The following DYNC2H1 variants were observed in gnomAD, a reference collection of about 807,000 sequenced individuals.
The protein encoded by DYNC2H1 is dynein cytoplasmic 2 heavy chain 1, also known as cytoplasmic dynein 2 heavy chain 1.
Under a neutral mutation model 570.0 loss-of-function variants are expected in DYNC2H1, and 410 were observed. That is an observed-to-expected ratio of 0.72 (90% CI 0.66 to 0.78). The LOEUF (loss-of-function observed/expected upper bound fraction) is 0.78. Among genes scored for constraint, DYNC2H1 ranks in the 30% least tolerant of loss-of-function variants. DYNC2H1 has a pLI of 0.00. For synonymous variants in DYNC2H1, 1,688 were observed against 1,677.6 expected, an observed-to-expected ratio of 1.01 and a Z score of -0.15; for missense variants, 4,865 against 5,046.4, an observed-to-expected ratio of 0.96 and a Z score of 1.09.
intron 85 of DYNC2H1, among the ~76,000 whole-genome samples, chr11:103,440,188 C>A (rs991011347): frequency 6.6e-6 from 1 of 152,090 alleles, no homozygotes; most frequent in African/African-American, 2.4e-5. Flanking sequence ...AGAGAGAGAT[C>A]TTTATCACCA....
At chr11:103,247,494 A>G (rs565072892) in intron 65 of DYNC2H1, among the ~76,000 whole-genome samples, 2 of 152,156 alleles carry the variant, frequency 1.3e-5, no homozygotes, top group South Asian at 4.1e-4. Context: ...CTGTTCTTCT[A>G]TTAGGAGCAG....
At position 103,209,446 on chromosome 11, in the gene DYNC2H1, T is replaced by C. The variant is rs1863063647; in HGVS notation, c.8455-430T>C. On this transcript the variant is annotated intron_variant, in intron 52 of 88. Coordinates refer to ENST00000375735, the MANE Select transcript of DYNC2H1 (RefSeq NM_001377.3). This position sits in a 1 kb window ranked among gnomAD's most constrained non-coding sequence, Gnocchi z 4.2. ...TGATCAGTTATGAAATTATTGATTA[T>C]AAAATTATTTTTATTTAATTTTAGT... Among the ~76,000 whole-genome samples the C allele has an allele frequency of 2.0e-5, 3 of 152,036 alleles. No homozygotes were observed. The South Asian group carries it at 6.2e-4, about 31-fold the overall frequency.
At chr11:103,139,838 G>C (rs528068342) in intron 17 of DYNC2H1, among the ~76,000 whole-genome samples, 2 of 152,210 alleles carry the variant, frequency 1.3e-5, no homozygotes, top group East Asian at 3.9e-4. Flanking sequence ...CATTATTATT[G>C]TGTGGGAGTC....
chr11:103,291,392 C>T (rs1449850860), intron 75 of DYNC2H1, among the ~76,000 whole-genome samples: 3 of 152,012 alleles, frequency 2.0e-5, no homozygotes, highest in African/African-American at 4.8e-5. Context: ...GAGCTGAGAT[C>T]GTGTCACTGC....
At chr11:103,217,469 G>A (rs1385772353) in intron 55 of DYNC2H1, among the ~76,000 whole-genome samples, 1 of 152,110 alleles carries the variant, frequency 6.6e-6, no homozygotes, top group Non-Finnish European at 1.5e-5. Flanking sequence ...ACACAAAAAT[G>A]CCAAATAAAT....
intron 70 of DYNC2H1, among the ~76,000 whole-genome samples, chr11:103,272,941 A>C (rs1249001205): frequency 6.6e-6 from 1 of 152,092 alleles, no homozygotes; most frequent in East Asian, 1.9e-4. Flanking sequence ...ATTTTTAAAC[A>C]AAACTCAAGT....
rs1033043733 is a variant in DYNC2H1, at chr11:103,277,492, A to G, written c.10696-2856A>G. Among the ~76,000 whole-genome samples the G allele has an allele frequency of 6.6e-6, 1 of 152,106 alleles. No individual in the cohort carries two copies. The highest frequency in any genetic ancestry group is 1.5e-5 in the Non-Finnish European group (1 of 68,000). ...CTTACATTCTTGAGTATTTAATGATACTTGTATTAGAGTCTCTTTCAGATT... is the reference window on the plus strand; with the variant it reads ...CTTACATTCTTGAGTATTTAATGATGCTTGTATTAGAGTCTCTTTCAGATT... On this transcript the variant is annotated intron_variant, in intron 70 of 88. Coordinates refer to ENST00000375735, the MANE Select transcript of DYNC2H1 (RefSeq NM_001377.3). The surrounding 1 kb of genome is among the most constrained non-coding windows in gnomAD (Gnocchi z 4.3).
At chr11:103,473,503 TA>T (rs1162590797) in intron 88 of DYNC2H1, among the ~76,000 whole-genome samples, 1 of 152,186 alleles carries the variant, frequency 6.6e-6, no homozygotes, top group African/African-American at 2.4e-5. Context: ...CTATATATCA[TA>T]ATAATTCTCT....
At chr11:103,474,671 T>A (rs921921116) in intron 88 of DYNC2H1, among the ~76,000 whole-genome samples, 2 of 152,214 alleles carry the variant, frequency 1.3e-5, no homozygotes, top group African/African-American at 4.8e-5. Flanking sequence ...CATAACTTTA[T>A]TATTGTGGTA....
At position 103,257,666 on chromosome 11, in the gene DYNC2H1, C is replaced by A; in HGVS notation, c.10520C>A (p.Ser3507Tyr). The change falls in exon 69 of 89, where the codon TCT (serine) becomes TAT (tyrosine). Residue 3507 changes from serine (S) to tyrosine (Y), a missense_variant. This residue lies in a region of DYNC2H1 where 2,401 missense variants were observed against 2,454.6 expected (regional missense o/e 0.98). Coordinates refer to ENST00000375735, the MANE Select transcript of DYNC2H1 (RefSeq NM_001377.3). ...ESASKMYFII[S>Y]DLSKINNMYR... ...GCCAGCAAGATGTACTTCATTATTT[C>A]TGATTTGTCCAAAATTAATAACATG... The A allele has an allele frequency of 6.2e-7, 1 of 1,613,228 alleles. No individual in the cohort carries two copies. Among genetic ancestry groups the A allele is most frequent in the Non-Finnish European group, 8.5e-7 (1 of 1,179,486 alleles).
rs1864499713 is a variant in DYNC2H1, at chr11:103,243,584, A to G, written c.9820-109A>G. ...GTATATTTGTGTTCTCCAAAGCTTG[A>G]GAGAAAAGATCATTTAGTAATTGAT... On this transcript the variant is annotated intron_variant, in intron 63 of 88. Transcript: ENST00000375735. This position sits in a 1 kb window ranked among gnomAD's most constrained non-coding sequence, Gnocchi z 4.8. 1 of 886,830 alleles carries G rather than the reference A, an allele frequency of 1.1e-6. No individual in the cohort carries two copies. Among genetic ancestry groups the G allele is most frequent in the Admixed American group, 2.7e-5 (1 of 36,438 alleles). The allele number at this position is 886,830 out of a possible 1,614,324, so 54.9% of individuals were successfully genotyped here.
At chr11:103,348,407 A>AC (rs1183313628) in intron 82 of DYNC2H1, among the ~76,000 whole-genome samples, 1 of 152,152 alleles carries the variant, frequency 6.6e-6, no homozygotes, top group Non-Finnish European at 1.5e-5. Flanking sequence ...AAGATAGTGA[A>AC]CATCCCCATT....
Position 103,245,347 on chromosome 11 carries a change from T to G in DYNC2H1, c.10015T>G (p.Leu3339Val). The change falls in exon 65 of 89, where the codon TTA becomes GTA. Residue 3339 changes from leucine (L) to valine (V), a missense_variant. By Grantham distance (32) the Leu-to-Val change is conservative. This residue lies in a region of DYNC2H1 where 2,401 missense variants were observed against 2,454.6 expected (regional missense o/e 0.98). Transcript: ENST00000375735. This position sits in a 1 kb window ranked among gnomAD's most constrained non-coding sequence, Gnocchi z 4.5. ...MDGVEPVLYP[L>V]LRRDLVAQGP... The stretch of plus-strand genomic sequence containing the variant: ...TGGTGTAGAACCTGTTCTTTATCCA[T>G]TATTGAGACGAGATCTGGTTGCTCA... 6.3e-7 allele frequency: 1 copy of G among 1,586,038 alleles called. No homozygotes were observed. Among genetic ancestry groups the G allele is most frequent in the Non-Finnish European group, 8.6e-7 (1 of 1,165,252 alleles).
At position 103,307,805 on chromosome 11, in the gene DYNC2H1, C is replaced by A. The variant is rs761142209; in HGVS notation, c.11467C>A (p.Gln3823Lys). 2.5e-6 allele frequency: 4 copies of A among 1,599,804 alleles called. No individual in the cohort carries two copies. In the South Asian group the frequency reaches 4.5e-5, roughly 18 times the overall value. The change falls in exon 78 of 89, where the codon CAG becomes AAG. Residue 3823 changes from glutamine to lysine, a missense_variant. By Grantham distance (53) the Gln-to-Lys change is moderately conservative. Around this residue, in one of 5 missense-constraint regions of DYNC2H1, gnomAD observed 2,401 missense variants for 2,454.6 expected, o/e 0.98. Transcript: ENST00000375735. ...TCCCAACTTTACTCCTATTTTACTA[C>A]AGTCAAGTCTGAAGATAACATATGA... ...VHPNFTPILLQSSLKITYESP... is the reference protein window; with the variant it reads ...VHPNFTPILLKSSLKITYESP...
intron 75 of DYNC2H1, among the ~76,000 whole-genome samples, chr11:103,302,433 A>G (rs1279509847): frequency 6.6e-6 from 1 of 151,990 alleles, no homozygotes; most frequent in Non-Finnish European, 1.5e-5. Context: ...TTGTTTTGCA[A>G]TTGAGGAAAC....
In DYNC2H1 at chr11:103,203,152, A is replaced by G. The variant is rs1862790135; in HGVS notation, c.8198-511A>G. The stretch of plus-strand genomic sequence containing the variant: ...ATTGGAGATAAGAAGGAAGTAATTC[A>G]TTATTAAATGATGTGATAAGTGCTA... On this transcript the variant is annotated intron_variant, in intron 50 of 88. Coordinates refer to ENST00000375735, the MANE Select transcript of DYNC2H1 (RefSeq NM_001377.3). The surrounding 1 kb of genome is among the most constrained non-coding windows in gnomAD (Gnocchi z 4.7). Among the ~76,000 whole-genome samples the G allele has an allele frequency of 6.6e-6, 1 of 152,232 alleles. No homozygotes were observed. Among genetic ancestry groups the G allele is most frequent in the Admixed American group, 6.5e-5 (1 of 15,280 alleles).
chr11:103,154,652 T>C (rs1284336922), intron 23 of DYNC2H1, 43 bp from the exon 24 acceptor site: 2 of 1,569,946 alleles, frequency 1.3e-6, no homozygotes, highest in Admixed American at 3.9e-5. Flanking sequence ...GGTTGTTTTA[T>C]TTTTGGATGT....
At position 103,283,059 on chromosome 11, in the gene DYNC2H1, C is replaced by A. The variant is rs117178504; in HGVS notation, c.10864C>A (p.Arg3622=). ...DQLPSWIDQE[R]SWAVATLKIA... The stretch of plus-strand genomic sequence containing the variant: ...GCTTCCGTCTTGGATAGATCAGGAA[C>A]GAAGCTGGGCCGTGGCAACATTAAA... The change falls in exon 73 of 89, where the codon CGA becomes AGA. Residue 3622 remains arginine (R), a synonymous_variant. Transcript: ENST00000375735. 0.011 allele frequency: 17,039 copies of A among 1,607,294 alleles called. 111 individuals carry two copies. Among genetic ancestry groups the A allele is most frequent in the Non-Finnish European group, 0.013 (15,048 of 1,176,088 alleles).
chr11:103,419,476 C>T (rs1214685971), intron 84 of DYNC2H1, among the ~76,000 whole-genome samples: 1 of 151,932 alleles, frequency 6.6e-6, no homozygotes, highest in Non-Finnish European at 1.5e-5. Context: ...ACTGGTGATG[C>T]CTCCAGATAC....
Sources: gnomAD v4.1 joint callset for allele counts (sites outside exome capture counted in the v4.1 genomes callset) on GRCh38, gnomAD v4.1.1 for gene constraint, gnomAD v4.1.1 regional missense constraint, Gnocchi (gnomAD v3.1) non-coding constraint, MANE v1.5 for transcripts, NCBI Gene and HGNC (gene_info 2026-07-23, HGNC 2026-07-21) for gene names.